CNTN1: variants seen among roughly 807,000 people sequenced by gnomAD.
CNTN1 encodes contactin 1.
A neutral mutation model predicts 126.4 loss-of-function variants in CNTN1; 38 were observed. The observed-to-expected ratio is 0.30, with a 90% CI of 0.23 to 0.39. The LOEUF is 0.39. Among genes scored for constraint, CNTN1 ranks in the 10% least tolerant of loss-of-function variants. The pLI is 1.00. For missense variants in CNTN1, 1,009 were observed against 1,248.4 expected (o/e 0.81, Z 2.89); for synonymous variants, 413 against 422.6 (o/e 0.98, Z 0.28).
At chr12:40,758,822 G>A (rs1028043778) in intron 1 of CNTN1, among the ~76,000 whole-genome samples, 1 of 152,110 alleles carries the variant, frequency 6.6e-6, no homozygotes, top group Non-Finnish European at 1.5e-5. Flanking sequence ...TTGCAAACCA[G>A]GGGAGACACA....
chr12:40,953,470 T>C (rs1347712241), intron 14 of CNTN1, among the ~76,000 whole-genome samples: 1 of 152,006 alleles, frequency 6.6e-6, no homozygotes, highest in Non-Finnish European at 1.5e-5. Flanking sequence ...ACTTTAGGAG[T>C]GCTTTCATAC....
intron 1 of CNTN1, among the ~76,000 whole-genome samples, chr12:40,709,239 C>A (rs578003209): frequency 1.3e-5 from 2 of 152,320 alleles, no homozygotes; most frequent in African/African-American, 4.8e-5. Flanking sequence ...CTTGGGTGAC[C>A]AGGTGCATTG....
intron 23 of CNTN1, among the ~76,000 whole-genome samples, chr12:41,044,001 G>T (rs1322983431): frequency 1.8e-5 from 2 of 111,694 alleles, no homozygotes; most frequent in Non-Finnish European, 3.6e-5. Context: ...GACTGTTGTG[G>T]GGTGGGGGGA....
chr12:40,720,840 A>C (rs1942184176), intron 1 of CNTN1, among the ~76,000 whole-genome samples: 1 of 151,984 alleles, frequency 6.6e-6, no homozygotes, highest in South Asian at 2.1e-4. Flanking sequence ...GAGGCAGGGG[A>C]ATCCCTCGAA....
intron 14 of CNTN1, among the ~76,000 whole-genome samples, chr12:40,951,715 T>A (rs10879406): frequency 0.76 from 83,406 of 109,750 alleles, 30,668 homozygotes; most frequent in African/African-American, 0.89. Flanking sequence ...TCTCAAAATT[T>A]AAAAAAAAAA....
rs181513296 is a variant in CNTN1 at position 40,994,251 on chromosome 12, C to G, written c.2113+982C>G. Among the ~76,000 whole-genome samples, 15 of 152,182 alleles carry G rather than the reference C, an allele frequency of 9.9e-5. No homozygotes were observed. In the Middle Eastern group the frequency reaches 0.01, roughly 104 times the overall value. ...GTGTCAAAGAAAGTATCCTTTCTCT[C>G]TGACGATTTTTACTTCAAAGAATGG... On this transcript the variant is annotated intron_variant, in intron 17 of 23. Transcript: ENST00000551295.
intron 1 of CNTN1, among the ~76,000 whole-genome samples, chr12:40,788,023 T>C (rs1269766501): frequency 6.6e-6 from 1 of 152,128 alleles, no homozygotes; most frequent in Non-Finnish European, 1.5e-5. Context: ...CATCTCACTA[T>C]TAAAAATAAA....
chr12:40,975,191 TA>T (rs1566074111), intron 15 of CNTN1, among the ~76,000 whole-genome samples: 1 of 16,194 alleles, frequency 6.2e-5, no homozygotes. Context: ...TATATATATA[TA>T]TATATATATA....
At chr12:40,821,361 G>A (rs368155568) in intron 1 of CNTN1, among the ~76,000 whole-genome samples, 3 of 152,132 alleles carry the variant, frequency 2.0e-5, no homozygotes, top group Non-Finnish European at 2.9e-5. Flanking sequence ...TCCTCCAGGA[G>A]CATTTAGTCA....
intron 17 of CNTN1, among the ~76,000 whole-genome samples, chr12:40,995,647 C>T (rs185821352): frequency 5.6e-4 from 85 of 152,152 alleles, no homozygotes; most frequent in Non-Finnish European, 1.0e-3. Context: ...AATAACTTCC[C>T]TTACAAGCCA....
chr12:41,025,436 G>A, intron 21 of CNTN1, 100 bp downstream of exon 21: 1 of 1,172,764 alleles, frequency 8.5e-7, no homozygotes, highest in Non-Finnish European at 1.3e-6. Context: ...AGCTACCTGA[G>A]CACATTTTTC....
chr12:40,919,729 A>G (rs754447498), intron 4 of CNTN1, among the ~76,000 whole-genome samples: 11 of 152,226 alleles, frequency 7.2e-5, no homozygotes, highest in Non-Finnish European at 1.5e-4. Flanking sequence ...AATTATTCTT[A>G]AGATAAAATT....
At chr12:40,971,384 C>T in intron 15 of CNTN1, 2 of 1,499,202 alleles carry the variant, frequency 1.3e-6, no homozygotes, top group South Asian at 1.2e-5. Context: ...CTTCCTGCCC[C>T]TAATTGGGCA....
chr12:40,955,602 A>T (rs1946847749), intron 14 of CNTN1, among the ~76,000 whole-genome samples: 1 of 152,124 alleles, frequency 6.6e-6, no homozygotes, highest in African/African-American at 2.4e-5. Context: ...AACACTTTAG[A>T]TTATTTTAAT....
intron 1 of CNTN1, among the ~76,000 whole-genome samples, chr12:40,817,451 C>CAG (rs1285186792): frequency 7.3e-6 from 1 of 136,498 alleles, no homozygotes; most frequent in Non-Finnish European, 1.6e-5. Flanking sequence ...CCGGTTTTGT[C>CAG]AGAGACTAGG....
chr12:40,906,679 G>GCTTT (rs1565920899), intron 1 of CNTN1, among the ~76,000 whole-genome samples: 2 of 116,058 alleles, frequency 1.7e-5, no homozygotes, highest in African/African-American at 6.6e-5. Context: ...CTTTTTTTTT[G>GCTTT]TTTTGTTTTT....
At chr12:40,873,545 T>G (rs1324692489) in intron 1 of CNTN1, among the ~76,000 whole-genome samples, 1 of 152,188 alleles carries the variant, frequency 6.6e-6, no homozygotes, top group Non-Finnish European at 1.5e-5. Flanking sequence ...TTGAGCAATT[T>G]TTCTTTGCTT....
At chr12:40,811,081 T>G (rs77770053) in intron 1 of CNTN1, among the ~76,000 whole-genome samples, 3,741 of 152,312 alleles carry the variant, frequency 0.025, 146 homozygotes, top group African/African-American at 0.084. Context: ...CATTCATCAA[T>G]GGACACTTAG....
At chr12:40,848,369 A>G (rs1942594885) in intron 1 of CNTN1, among the ~76,000 whole-genome samples, 1 of 152,202 alleles carries the variant, frequency 6.6e-6, no homozygotes, top group South Asian at 2.1e-4. Flanking sequence ...AGGCTAGATT[A>G]TTAATTCCTT....
Sources: gnomAD v4.1 joint callset for allele counts (sites outside exome capture counted in the v4.1 genomes callset) on GRCh38, gnomAD v4.1.1 for gene constraint, MANE v1.5 for transcripts, NCBI Gene and HGNC (gene_info 2026-07-23, HGNC 2026-07-21) for gene names.